The following NOL4 variants were observed in gnomAD, a reference collection of about 807,000 sequenced individuals.
The protein encoded by NOL4 is nucleolar protein 4.
Under a neutral mutation model 75.9 loss-of-function variants are expected in NOL4, and 17 were observed. The ratio of observed to expected loss-of-function variants is 0.22; its 90% confidence interval spans 0.15 to 0.34. The LOEUF is 0.34. Ranked by LOEUF, NOL4 falls within the 10% of genes least tolerant of loss-of-function variation. The pLI, the probability that NOL4 is intolerant of heterozygous loss-of-function variation, is 1.00. For synonymous variants in NOL4, 292 were observed against 289.9 expected, an observed-to-expected ratio of 1.01 and a Z score of -0.07; for missense variants, 614 against 793.5, an observed-to-expected ratio of 0.77 and a Z score of 2.72.
intron 1 of NOL4, among the ~76,000 whole-genome samples, chr18:34,157,888 T>G (rs2146140896): frequency 6.6e-6 from 1 of 152,308 alleles, no homozygotes; most frequent in South Asian, 2.1e-4. Flanking sequence ...AAGATAAACA[T>G]GTTTCGAATT....
intron 4 of NOL4, among the ~76,000 whole-genome samples, chr18:34,098,143 C>T (rs1293078070): frequency 6.6e-6 from 1 of 152,110 alleles, no homozygotes; most frequent in Non-Finnish European, 1.5e-5. Flanking sequence ...TACATGCATG[C>T]TGCTCCTTAG....
chr18:34,128,884 C>A, intron 2 of NOL4: 1 of 979,254 alleles, frequency 1.0e-6, no homozygotes, highest in Non-Finnish European at 1.2e-6. Flanking sequence ...ACACATTTTT[C>A]TGTATCTGAA....
chr18:34,019,734 A>G, intron 5 of NOL4, 133 bp from the exon 6 acceptor site: 1 of 749,384 alleles, frequency 1.3e-6, no homozygotes, highest in Non-Finnish European at 2.1e-6. Context: ...CTCAGCAATA[A>G]GCTTGTAAAG....
chr18:34,196,859 C>T (rs1391609633), intron 1 of NOL4, among the ~76,000 whole-genome samples: 1 of 151,944 alleles, frequency 6.6e-6, no homozygotes, highest in African/African-American at 2.4e-5. Flanking sequence ...TTTTATAACT[C>T]CTTATATACT....
chr18:34,104,727 G>A (rs1006158827), intron 3 of NOL4, among the ~76,000 whole-genome samples: 2 of 151,980 alleles, frequency 1.3e-5, no homozygotes, highest in Admixed American at 1.3e-4. Context: ...GGAATTGGTA[G>A]ATTTAAAAAG....
At chr18:33,859,575 A>G (rs1448252405) in intron 10 of NOL4, among the ~76,000 whole-genome samples, 1 of 152,006 alleles carries the variant, frequency 6.6e-6, no homozygotes, top group Non-Finnish European at 1.5e-5. Context: ...TTTAATTTTG[A>G]GGCTTTATTA....
intron 1 of NOL4, among the ~76,000 whole-genome samples, chr18:34,181,455 G>A (rs560816467): frequency 1.3e-5 from 2 of 151,552 alleles, no homozygotes; most frequent in South Asian, 4.1e-4. Flanking sequence ...AAGTGCTAAA[G>A]CTATAACAAT....
intron 9 of NOL4, among the ~76,000 whole-genome samples, chr18:33,899,408 T>A (rs1371649451): frequency 6.6e-6 from 1 of 152,136 alleles, no homozygotes; most frequent in Non-Finnish European, 1.5e-5. Context: ...TTCCTCCAAC[T>A]CTTTGTCTCT....
At chr18:33,862,204 A>T (rs2063177133) in intron 10 of NOL4, among the ~76,000 whole-genome samples, 2 of 152,118 alleles carry the variant, frequency 1.3e-5, no homozygotes, top group Non-Finnish European at 2.9e-5. Context: ...TGCTGGGAAA[A>T]CTGGCTAGCC....
chr18:34,191,340 C>A (rs1158642331), intron 1 of NOL4, among the ~76,000 whole-genome samples: 1 of 152,048 alleles, frequency 6.6e-6, no homozygotes, highest in Non-Finnish European at 1.5e-5. Flanking sequence ...TATTGTACTA[C>A]ATAACACAAT....
intron 5 of NOL4, among the ~76,000 whole-genome samples, chr18:34,040,185 G>A (rs893164897): frequency 8.6e-5 from 13 of 151,866 alleles, no homozygotes; most frequent in Admixed American, 2.0e-4. Context: ...TTTATCTCTC[G>A]TTTGGAAAGG....
In NOL4 at chr18:34,070,124, C is replaced by T. The variant is rs532465764; in HGVS notation, c.772+23341G>A. Among the ~76,000 whole-genome samples the T allele has an allele frequency of 7.6e-4, 116 of 152,316 alleles. 1 individual carries two copies. The highest frequency in any genetic ancestry group is 2.6e-3 in the African/African-American group (110 of 41,582). On this transcript the variant is annotated intron_variant, in intron 5 of 10. Coordinates refer to ENST00000261592, the MANE Select transcript of NOL4 (RefSeq NM_003787.5). ...CCGGCTCACTGAAAGCTCCGCCTTC[C>T]GGGTTCACGCCATTCTCCTGCCTCA...
intron 5 of NOL4, among the ~76,000 whole-genome samples, chr18:34,045,978 A>G (rs1432730201): frequency 6.6e-6 from 1 of 152,198 alleles, no homozygotes; most frequent in African/African-American, 2.4e-5. Flanking sequence ...TTTATGTAAC[A>G]GACCATTATA....
At chr18:34,159,225 G>A (rs1331891819) in intron 1 of NOL4, among the ~76,000 whole-genome samples, 1 of 152,176 alleles carries the variant, frequency 6.6e-6, no homozygotes, top group Admixed American at 6.5e-5. Flanking sequence ...CGCGCTAAGC[G>A]CTCCGGGCGC....
intron 1 of NOL4, among the ~76,000 whole-genome samples, chr18:34,161,241 A>G (rs1290241898): frequency 6.6e-6 from 1 of 152,104 alleles, no homozygotes; most frequent in Non-Finnish European, 1.5e-5. Context: ...ATGATATCAT[A>G]TCTTGGCTAT....
At chr18:34,052,278 A>AC (rs11386294) in intron 5 of NOL4, among the ~76,000 whole-genome samples, 58,161 of 151,806 alleles carry the variant, frequency 0.38, 11,645 homozygotes, top group South Asian at 0.53. Context: ...GTGGAGTAAT[A>AC]CATGGTTGAT....
chr18:34,046,632 A>ATATATATATATATATATG (rs1002864623), intron 5 of NOL4, among the ~76,000 whole-genome samples: 1 of 135,670 alleles, frequency 7.4e-6, no homozygotes, highest in Non-Finnish European at 1.6e-5. Context: ...ATATATATAT[A>ATATATATATATATATATG]TATATGTATA....
intron 5 of NOL4, among the ~76,000 whole-genome samples, chr18:34,053,639 T>A (rs1274692104): frequency 6.6e-6 from 1 of 151,904 alleles, no homozygotes; most frequent in Non-Finnish European, 1.5e-5. Flanking sequence ...TGTCCAGACT[T>A]AAGAAACATA....
intron 6 of NOL4, among the ~76,000 whole-genome samples, chr18:33,983,507 CACAT>C (rs2072158686): frequency 1.3e-5 from 2 of 151,810 alleles, no homozygotes; most frequent in African/African-American, 4.8e-5. Flanking sequence ...CAGATACACA[CACAT>C]ATATATGTAT....
Sources: allele counts gnomAD v4.1 joint callset (sites outside exome capture counted in the v4.1 genomes callset), GRCh38; gene constraint gnomAD v4.1.1; transcripts MANE v1.5; gene names NCBI Gene and HGNC (gene_info 2026-07-23, HGNC 2026-07-21).